PISD: variants seen among roughly 807,000 people sequenced by gnomAD.
PISD encodes the protein phosphatidylserine decarboxylase proenzyme, mitochondrial.
PISD carries 31 observed loss-of-function variants against 43.5 expected under a neutral mutation model. That is an observed-to-expected ratio of 0.71 (90% CI 0.54 to 0.96). The LOEUF (loss-of-function observed/expected upper bound fraction) is 0.96, where lower values mean the gene tolerates loss of function less well. PISD is among the 40% of genes least tolerant of loss of function. PISD has a pLI of 0.00. For synonymous variants in PISD, 259 were observed against 228.7 expected, an observed-to-expected ratio of 1.13 and a Z score of -1.20; for missense variants, 523 against 548.4, an observed-to-expected ratio of 0.95 and a Z score of 0.46.
chr22:31,635,594 G>A (rs190074801), intron 3 of PISD, among the ~76,000 whole-genome samples: 43 of 152,272 alleles, frequency 2.8e-4, no homozygotes, highest in African/African-American at 1.0e-3. Context: ...ACCATGCCCC[G>A]CTGAGTTCCA....
At chr22:31,622,552 G>A (rs2072643567) in intron 3 of PISD, among the ~76,000 whole-genome samples, 1 of 152,200 alleles carries the variant, frequency 6.6e-6, no homozygotes, top group South Asian at 2.1e-4. Flanking sequence ...GCCCTGCTGA[G>A]CCCCACCTTG....
intron 1 of PISD, 109 bp downstream of exon 1, chr22:31,662,035 A>C: frequency 1.0e-6 from 1 of 997,896 alleles, no homozygotes; most frequent in South Asian, 1.3e-5. Flanking sequence ...CTCCGTCTCC[A>C]CCCGAGCTCG....
chr22:31,658,855 CTTTT>C (rs112877920), intron 1 of PISD, among the ~76,000 whole-genome samples: 5 of 118,584 alleles, frequency 4.2e-5, no homozygotes, highest in Admixed American at 2.6e-4. Context: ...TTTTCTTTTT[CTTTT>C]TTTTTTTTTT....
At chr22:31,628,072 C>G in intron 3 of PISD, 1 of 985,470 alleles carries the variant, frequency 1.0e-6, no homozygotes. Flanking sequence ...ACTGTTCTGC[C>G]TCTTCTAAAA....
At chr22:31,623,868 T>C (rs1303433708) in intron 3 of PISD, 1 of 1,607,038 alleles carries the variant, frequency 6.2e-7, no homozygotes, top group Non-Finnish European at 8.5e-7. Context: ...CACAGGTCCA[T>C]GCACAGCCAG....
chr22:31,654,384 A>T (rs965889698), intron 1 of PISD, among the ~76,000 whole-genome samples: 1 of 152,022 alleles, frequency 6.6e-6, no homozygotes, highest in Non-Finnish European at 1.5e-5. Flanking sequence ...CTCCCCAGAG[A>T]TGCTTATCCA....
rs754491430 is a variant in PISD, at chr22:31,620,656, T to C, written c.902A>G (p.His301Arg). 67 of 1,614,232 alleles carry C rather than the reference T, an allele frequency of 4.2e-5. No homozygotes were observed. Among genetic ancestry groups the C allele is most frequent in the Non-Finnish European group, 5.3e-5 (63 of 1,180,034 alleles). The change falls in exon 7 of 8, where the codon CAT becomes CGT. Residue 301 changes from histidine (H) to arginine (R), a missense_variant. His to Arg is a conservative substitution (Grantham distance 29, BLOSUM62 0). Coordinates refer to ENST00000439502, the MANE Select transcript of PISD (RefSeq NM_001326411.2). Reference sequence around the variant, plus strand: ...CCCCGTCAGGACCACCCGCTCGTTATGGCAGAAGAGCTCTTTGATCCAGCG... The same window carrying C: ...CCCCGTCAGGACCACCCGCTCGTTACGGCAGAAGAGCTCTTTGATCCAGCG... ...MARWIKELFC[H>R]NERVVLTGDW...
intron 2 of PISD, among the ~76,000 whole-genome samples, chr22:31,649,933 T>C (rs569573215): frequency 2.3e-3 from 347 of 152,132 alleles, no homozygotes; most frequent in African/African-American, 8.1e-3. Flanking sequence ...CAGCAAAACA[T>C]TGGAAGCTAG....
intron 3 of PISD, among the ~76,000 whole-genome samples, chr22:31,633,161 C>G (rs575960768): frequency 6.6e-6 from 1 of 152,262 alleles, no homozygotes; most frequent in Admixed American, 6.5e-5. Context: ...GGAAGACCAT[C>G]CTGGCCTCCT....
intron 1 of PISD, 93 bp downstream of exon 1, chr22:31,662,051 G>C: frequency 8.2e-7 from 1 of 1,217,966 alleles, no homozygotes; most frequent in Non-Finnish European, 1.2e-6. Context: ...GCTCGCCTCA[G>C]AGCGAGCCCG....
At chr22:31,660,695 G>C (rs2147828836) in intron 1 of PISD, among the ~76,000 whole-genome samples, 1 of 152,224 alleles carries the variant, frequency 6.6e-6, no homozygotes, top group South Asian at 2.1e-4. Context: ...AATTTTTTAA[G>C]AGTCTCATTT....
At chr22:31,645,051 G>A (rs528670392) in intron 3 of PISD, among the ~76,000 whole-genome samples, 1 of 152,024 alleles carries the variant, frequency 6.6e-6, no homozygotes, top group Non-Finnish European at 1.5e-5. Flanking sequence ...GAACCCAAGG[G>A]TGGAGCTTGC....
rs985544123 is a variant in PISD, at chr22:31,619,421, G to A, written c.*191C>T. On this transcript the variant is annotated 3_prime_UTR_variant, in exon 8 of 8. Transcript: ENST00000439502. The stretch of plus-strand genomic sequence containing the variant: ...AACGGGATAGGTTGAGGGGCATGAT[G>A]GGGGCTCTCGCCACCTCTTGTCTGC... The A allele has an allele frequency of 4.4e-6, 3 of 680,934 alleles. No homozygotes were observed. The highest frequency in any genetic ancestry group is 3.5e-5 in the African/African-American group (2 of 56,980). The allele number at this position is 680,934 out of a possible 1,614,324, so 42.2% of individuals were successfully genotyped here.
chr22:31,634,616 T>G (rs770939462), intron 3 of PISD, among the ~76,000 whole-genome samples: 1 of 152,084 alleles, frequency 6.6e-6, no homozygotes, highest in Non-Finnish European at 1.5e-5. Flanking sequence ...GGTGGGCAGA[T>G]CACCTGAGGT....
chr22:31,654,100 C>G (rs1477479249), intron 1 of PISD, among the ~76,000 whole-genome samples: 1 of 152,146 alleles, frequency 6.6e-6, no homozygotes, highest in Non-Finnish European at 1.5e-5. Context: ...AGGTTTTGTT[C>G]CTATCACACC....
At chr22:31,657,497 T>C (rs182441036) in intron 1 of PISD, among the ~76,000 whole-genome samples, 8 of 151,978 alleles carry the variant, frequency 5.3e-5, no homozygotes, top group African/African-American at 1.7e-4. Flanking sequence ...CCTGTTGTGC[T>C]AGCAAACACT....
chr22:31,623,306 GAATT>G (rs1287279447), intron 3 of PISD, among the ~76,000 whole-genome samples: 2 of 152,212 alleles, frequency 1.3e-5, no homozygotes, highest in Admixed American at 6.5e-5. Context: ...TGGCATCCCG[GAATT>G]AATTTGGCTT....
At chr22:31,633,701 C>T (rs1459334192) in intron 3 of PISD, among the ~76,000 whole-genome samples, 4 of 151,920 alleles carry the variant, frequency 2.6e-5, no homozygotes, top group South Asian at 2.1e-4. Flanking sequence ...GGCGACAGAG[C>T]GAGACTCGTC....
At chr22:31,646,316 T>G (rs2073886424) in intron 3 of PISD, among the ~76,000 whole-genome samples, 1 of 152,202 alleles carries the variant, frequency 6.6e-6, no homozygotes, top group Admixed American at 6.5e-5. Flanking sequence ...GCCCAGTTCT[T>G]TACCAATAGG....
Sources: gnomAD v4.1 joint callset for allele counts (sites outside exome capture counted in the v4.1 genomes callset) on GRCh38, gnomAD v4.1.1 for gene constraint, MANE v1.5 for transcripts, NCBI Gene and HGNC (gene_info 2026-07-23, HGNC 2026-07-21) for gene names.